HMBOX1: variants seen among roughly 807,000 people sequenced by gnomAD.
HMBOX1 encodes homeobox containing 1.
A neutral mutation model predicts 54.5 loss-of-function variants in HMBOX1; 14 were observed. The observed-to-expected ratio is 0.26, with a 90% CI of 0.17 to 0.40. The LOEUF is 0.40. Among genes scored for constraint, HMBOX1 ranks in the 10% least tolerant of loss-of-function variants. The probability of loss-of-function intolerance (pLI) is 1.00; values close to 1 mark genes in which losing one functional copy is unlikely to be tolerated. For synonymous variants in HMBOX1, 160 were observed against 181.0 expected (o/e 0.88, Z 0.93); for missense variants, 332 against 514.4 (o/e 0.65, Z 3.43).
At chr8:29,026,823 G>A (rs189190486) in intron 6 of HMBOX1, among the ~76,000 whole-genome samples, 17 of 152,218 alleles carry the variant, frequency 1.1e-4, no homozygotes, top group South Asian at 4.1e-4. Flanking sequence ...CTTGGGCTTC[G>A]TTAACTCTAA....
In HMBOX1 at chr8:29,051,556, G is replaced by A. The variant is rs1349104348; in HGVS notation, c.*401G>A. Reference sequence around the variant, plus strand: ...TACTCCCTTTTCCTTCCCCAAGACTGATAGGATGCAAGCTGAGGTCGTGGC... The same window carrying A: ...TACTCCCTTTTCCTTCCCCAAGACTAATAGGATGCAAGCTGAGGTCGTGGC... On this transcript the variant is annotated 3_prime_UTR_variant, in exon 10 of 10. Coordinates refer to ENST00000287701, the MANE Select transcript of HMBOX1 (RefSeq NM_001135726.3). The A allele has an allele frequency of 2.8e-6, 2 of 702,940 alleles. No individual in the cohort carries two copies. The highest frequency in any genetic ancestry group is 2.6e-6 in the Non-Finnish European group (1 of 384,986). 43.5% of individuals were successfully genotyped at this position (702,940 alleles called of 1,614,324 possible).
rs1434007705 is a variant in HMBOX1, at chr8:28,973,823, T to TTG, written c.500+3305_500+3306insGT. Among the ~76,000 whole-genome samples the TTG allele has an allele frequency of 2.2e-3, 297 of 133,162 alleles. 7 individuals carry two copies. The highest frequency in any genetic ancestry group is 3.9e-3 in the Non-Finnish European group (249 of 63,656). 87.4% of individuals were successfully genotyped at this position (133,162 alleles called of 152,430 possible). On this transcript the variant is annotated intron_variant, in intron 3 of 9. Coordinates refer to ENST00000287701, the MANE Select transcript of HMBOX1 (RefSeq NM_001135726.3). Reference sequence around the variant, plus strand: ...ATGGAGTTTTTTTTTTTTTTTTTTTTTTTTTTTTTTTGAGACAGTCTCGCT... The same window carrying TTG: ...ATGGAGTTTTTTTTTTTTTTTTTTTTTGTTTTTTTTTTTGAGACAGTCTCGCT...
At chr8:28,901,622 C>T (rs1005400272) in intron 1 of HMBOX1, among the ~76,000 whole-genome samples, 2 of 152,196 alleles carry the variant, frequency 1.3e-5, no homozygotes, top group Non-Finnish European at 2.9e-5. Flanking sequence ...CCATGGTGCA[C>T]AGCACTCTTA....
chr8:29,002,102 T>C (rs1017448907), intron 4 of HMBOX1, among the ~76,000 whole-genome samples: 25 of 152,200 alleles, frequency 1.6e-4, no homozygotes, highest in African/African-American at 5.5e-4. Context: ...TAGGTTGTTT[T>C]GGTTCAGGGG....
At chr8:28,916,493 T>A (rs1816574911) in intron 1 of HMBOX1, among the ~76,000 whole-genome samples, 1 of 152,192 alleles carries the variant, frequency 6.6e-6, no homozygotes, top group Non-Finnish European at 1.5e-5. Context: ...GTAGAAGATT[T>A]GAGGTATGGG....
At chr8:28,982,653 T>C (rs1829550029) in intron 4 of HMBOX1, among the ~76,000 whole-genome samples, 2 of 150,146 alleles carry the variant, frequency 1.3e-5, no homozygotes, top group Non-Finnish European at 3.0e-5. Flanking sequence ...TGAGTTGGAG[T>C]CTTGCTCTGT....
At chr8:28,997,827 A>C (rs1377951600) in intron 4 of HMBOX1, among the ~76,000 whole-genome samples, 1 of 152,188 alleles carries the variant, frequency 6.6e-6, no homozygotes, top group African/African-American at 2.4e-5. Context: ...TTGGGATTAC[A>C]GGTGTCAGCC....
chr8:28,936,054 C>T (rs910764442), intron 1 of HMBOX1, among the ~76,000 whole-genome samples: 1 of 152,070 alleles, frequency 6.6e-6, no homozygotes, highest in Admixed American at 6.5e-5. Flanking sequence ...GTATCATCAT[C>T]ACCATTGTTA....
At chr8:28,989,960 T>C (rs1429241494) in intron 4 of HMBOX1, among the ~76,000 whole-genome samples, 1 of 152,200 alleles carries the variant, frequency 6.6e-6, no homozygotes, top group Admixed American at 6.5e-5. Context: ...TTTATTGCTA[T>C]TATATTGGTA....
rs560747384 is a variant in HMBOX1, at chr8:28,937,630, A to G, written c.-57-26181A>G. On this transcript the variant is annotated intron_variant, in intron 1 of 9. Coordinates refer to ENST00000287701, the MANE Select transcript of HMBOX1 (RefSeq NM_001135726.3). The stretch of plus-strand genomic sequence containing the variant: ...CTTTGTATCTTCCGTAATATTTTGC[A>G]CAAAGTGGAGGTTTAATCTCAAAGG... 3.3e-5 allele frequency among the ~76,000 whole-genome samples: 5 copies of G among 152,316 alleles called. No individual in the cohort carries two copies. In the South Asian group the frequency reaches 8.3e-4, roughly 25 times the overall value.
Position 29,051,542 on chromosome 8 carries a change from C to T in HMBOX1, c.*387C>T, listed in dbSNP as rs1366202258. 1 of 702,878 alleles carries T rather than the reference C, an allele frequency of 1.4e-6. No individual in the cohort carries two copies. The highest frequency in any genetic ancestry group is 1.5e-5 in the South Asian group (1 of 67,598). The allele number at this position is 702,878 out of a possible 1,614,324, so 43.5% of individuals were successfully genotyped here. ...GTAACACTAGTCTGTACTCCCTTTT[C>T]CTTCCCCAAGACTGATAGGATGCAA... On this transcript the variant is annotated 3_prime_UTR_variant, in exon 10 of 10. Transcript: ENST00000287701.
At chr8:29,036,908 C>A (rs920495948) in intron 6 of HMBOX1, among the ~76,000 whole-genome samples, 2 of 152,108 alleles carry the variant, frequency 1.3e-5, no homozygotes, top group African/African-American at 4.8e-5. Context: ...GATTCTTTGT[C>A]AGATCTACTC....
chr8:28,959,261 G>A (rs1825039523), intron 1 of HMBOX1, among the ~76,000 whole-genome samples: 3 of 151,968 alleles, frequency 2.0e-5, no homozygotes, highest in African/African-American at 7.3e-5. Context: ...CCATCATTCT[G>A]TAGAATAAGT....
chr8:29,006,612 G>A (rs995742911), intron 4 of HMBOX1, among the ~76,000 whole-genome samples: 9 of 152,080 alleles, frequency 5.9e-5, no homozygotes, highest in African/African-American at 2.2e-4. Context: ...CTTTTTTGTT[G>A]TAGTTTTCTG....
chr8:29,022,291 G>T (rs1417141217), intron 6 of HMBOX1, among the ~76,000 whole-genome samples: 1 of 151,104 alleles, frequency 6.6e-6, no homozygotes, highest in Non-Finnish European at 1.5e-5. Context: ...GGTAGGGCAT[G>T]CCTGTAGTCC....
At chr8:28,987,731 T>TG (rs1458115204) in intron 4 of HMBOX1, among the ~76,000 whole-genome samples, 3 of 152,206 alleles carry the variant, frequency 2.0e-5, no homozygotes, top group Non-Finnish European at 4.4e-5. Context: ...AAGGAACTGA[T>TG]GCTTGCACTA....
intron 4 of HMBOX1, among the ~76,000 whole-genome samples, chr8:29,002,798 C>A (rs1038738809): frequency 3.3e-5 from 5 of 152,052 alleles, no homozygotes; most frequent in Non-Finnish European, 7.4e-5. Flanking sequence ...TCAGTTATTA[C>A]TTCTACCTGT....
intron 4 of HMBOX1, among the ~76,000 whole-genome samples, chr8:28,987,327 T>C (rs1188886772): frequency 1.3e-5 from 2 of 152,172 alleles, no homozygotes; most frequent in Admixed American, 6.5e-5. Flanking sequence ...GTGTGAAATA[T>C]TTCTTGCCTA....
At chr8:29,010,111 A>G (rs1805788109) in intron 5 of HMBOX1, 2 of 979,814 alleles carry the variant, frequency 2.0e-6, no homozygotes, top group African/African-American at 1.8e-5. Flanking sequence ...CGAATGGTCC[A>G]GGCAGGATGA....
Sources: allele counts gnomAD v4.1 joint callset (sites outside exome capture counted in the v4.1 genomes callset), GRCh38; gene constraint gnomAD v4.1.1; transcripts MANE v1.5; gene names NCBI Gene and HGNC (gene_info 2026-07-23, HGNC 2026-07-21).